The following CFDP1 variants were observed in gnomAD, a reference collection of about 807,000 sequenced individuals.
The protein encoded by CFDP1 is chromatin remodeling protein CFDP1.
CFDP1 carries 31 observed loss-of-function variants against 40.1 expected under a neutral mutation model. That is an observed-to-expected ratio of 0.77 (90% CI 0.58 to 1.04). The LOEUF (loss-of-function observed/expected upper bound fraction) is 1.04. Ranked by LOEUF, CFDP1 falls within the 50% of genes least tolerant of loss-of-function variation. The pLI, the probability that CFDP1 is intolerant of heterozygous loss-of-function variation, is 0.00. For missense variants in CFDP1, 423 were observed against 343.4 expected, an observed-to-expected ratio of 1.23 and a Z score of -1.83; for synonymous variants, 167 against 120.0, an observed-to-expected ratio of 1.39 and a Z score of -2.56.
At chr16:75,322,331 C>T (rs1203475944) in intron 5 of CFDP1, among the ~76,000 whole-genome samples, 1 of 152,192 alleles carries the variant, frequency 6.6e-6, no homozygotes, top group Non-Finnish European at 1.5e-5. Flanking sequence ...AAACCTGTCC[C>T]TCCCACTTAA....
At chr16:75,334,426 C>T (rs1293093878) in intron 5 of CFDP1, among the ~76,000 whole-genome samples, 3 of 150,508 alleles carry the variant, frequency 2.0e-5, no homozygotes, top group African/African-American at 2.4e-5. Context: ...AACATCTGCA[C>T]TTTCCTGGGA....
At chr16:75,393,737 C>CAAAAAAAAAAAA (rs61344775) in intron 5 of CFDP1, among the ~76,000 whole-genome samples, 3 of 80,616 alleles carry the variant, frequency 3.7e-5, no homozygotes, top group African/African-American at 1.7e-4. Flanking sequence ...GACTCCGTCG[C>CAAAAAAAAAAAA]AAAAAAAAAA....
intron 1 of CFDP1, among the ~76,000 whole-genome samples, chr16:75,424,793 T>C (rs2079318054): frequency 6.7e-6 from 1 of 149,846 alleles, no homozygotes; most frequent in African/African-American, 2.5e-5. Context: ...AAGGCAAAGA[T>C]GTCCCCTCTC....
intron 4 of CFDP1, among the ~76,000 whole-genome samples, chr16:75,400,020 G>A (rs973093547): frequency 6.8e-6 from 1 of 146,096 alleles, no homozygotes. Flanking sequence ...AGAATCGCTT[G>A]AACCCAGGAG....
chr16:75,293,878 T>C lies in CFDP1; in HGVS notation c.*74A>G. 1.6e-6 allele frequency: 2 copies of C among 1,269,550 alleles called. No homozygotes were observed. The highest frequency in any genetic ancestry group is 2.3e-6 in the Non-Finnish European group (2 of 877,364). The allele number at this position is 1,269,550 out of a possible 1,614,324, so 78.6% of individuals were successfully genotyped here. ...GGGAAACAGATGATGAGAAACACTGTAAAACATTTCACAGACGCACAAAAA... is the reference window on the plus strand; with the variant it reads ...GGGAAACAGATGATGAGAAACACTGCAAAACATTTCACAGACGCACAAAAA... On this transcript the variant is annotated 3_prime_UTR_variant, in exon 7 of 7. Transcript: ENST00000283882.
chr16:75,430,760 C>T (rs1297660897), intron 1 of CFDP1, among the ~76,000 whole-genome samples: 2 of 152,134 alleles, frequency 1.3e-5, no homozygotes, highest in African/African-American at 4.8e-5. Flanking sequence ...CACTGCTCGG[C>T]TGAGAACACA....
chr16:75,415,330 A>G (rs2079194250), intron 1 of CFDP1, among the ~76,000 whole-genome samples: 1 of 152,194 alleles, frequency 6.6e-6, no homozygotes. Flanking sequence ...CCACACAGAG[A>G]TTCCACTACC....
At chr16:75,429,114 C>T (rs12449170) in intron 1 of CFDP1, among the ~76,000 whole-genome samples, 78,163 of 151,104 alleles carry the variant, frequency 0.52, 21,201 homozygotes, top group Admixed American at 0.64. Flanking sequence ...CAGAGTCTGT[C>T]TCGAAAAAAA....
At position 75,373,652 on chromosome 16, in the gene CFDP1, T is replaced by C. The variant is rs1321123155; in HGVS notation, c.650+21438A>G. On this transcript the variant is annotated intron_variant, in intron 5 of 6. Coordinates refer to ENST00000283882, the MANE Select transcript of CFDP1 (RefSeq NM_006324.3). ...TGCTTCCCTAAAGACTGTATTCTTT[T>C]TATTTTTATTTATTTATTTTGGTAT... Among the ~76,000 whole-genome samples, 3 of 152,164 alleles carry C rather than the reference T, an allele frequency of 2.0e-5. No homozygotes were observed. In the East Asian group the frequency reaches 5.8e-4, roughly 29 times the overall value.
At chr16:75,324,741 T>TCA (rs2078391053) in intron 5 of CFDP1, 1 of 46,626 alleles carries the variant, frequency 2.1e-5, no homozygotes, top group Non-Finnish European at 5.0e-5. Context: ...AGACTTTGTC[T>TCA]TAAAAAAAAA....
Position 75,369,522 on chromosome 16 carries a change from C to A in CFDP1, c.650+25568G>T, listed in dbSNP as rs774484761. Among the ~76,000 whole-genome samples, 144 of 152,290 alleles carry A rather than the reference C, an allele frequency of 9.5e-4. 1 individual carries two copies. Among genetic ancestry groups the A allele is most frequent in the Non-Finnish European group, 1.8e-3 (121 of 68,032 alleles). On this transcript the variant is annotated intron_variant, in intron 5 of 6. Transcript: ENST00000283882. ...AGACACATGGCTTCGCAGTAGGTTG[C>A]CTATTTATTCTCCAATAATCTAAAC...
intron 5 of CFDP1, among the ~76,000 whole-genome samples, chr16:75,334,877 C>A (rs1274984770): frequency 6.6e-6 from 1 of 152,018 alleles, no homozygotes; most frequent in East Asian, 1.9e-4. Context: ...ATCGTTTGAA[C>A]CCCGGAGGTG....
chr16:75,341,370 G>A (rs1363155087), intron 5 of CFDP1, among the ~76,000 whole-genome samples: 2 of 152,102 alleles, frequency 1.3e-5, no homozygotes, highest in Non-Finnish European at 2.9e-5. Flanking sequence ...TAACCCTATG[G>A]CAACCTAACT....
chr16:75,298,659 G>A lies in CFDP1; in HGVS notation c.810-4617C>T, dbSNP rs115814420. Among the ~76,000 whole-genome samples the A allele has an allele frequency of 6.0e-3, 920 of 152,256 alleles. 11 individuals carry two copies. Among genetic ancestry groups the A allele is most frequent in the African/African-American group, 0.02 (828 of 41,550 alleles). Reference sequence around the variant, plus strand: ...ACAGAGATACAGACTTTGCTGCCTCGAGAAATGCAGTTGAAAGAAGCAGTT... The same window carrying A: ...ACAGAGATACAGACTTTGCTGCCTCAAGAAATGCAGTTGAAAGAAGCAGTT... On this transcript the variant is annotated intron_variant, in intron 6 of 6. Transcript: ENST00000283882.
At chr16:75,335,503 C>G (rs1256230771) in intron 5 of CFDP1, among the ~76,000 whole-genome samples, 1 of 151,896 alleles carries the variant, frequency 6.6e-6, no homozygotes, top group Non-Finnish European at 1.5e-5. Flanking sequence ...CAGACTATCT[C>G]CCCTTCAACT....
At chr16:75,405,524 G>T (rs1283285442) in intron 4 of CFDP1, among the ~76,000 whole-genome samples, 1 of 151,942 alleles carries the variant, frequency 6.6e-6, no homozygotes, top group African/African-American at 2.4e-5. Flanking sequence ...GAGGCGGGCA[G>T]ATCATATGAG....
At chr16:75,384,187 T>C (rs2078873773) in intron 5 of CFDP1, among the ~76,000 whole-genome samples, 1 of 151,744 alleles carries the variant, frequency 6.6e-6, no homozygotes. Context: ...CGAAACCCCA[T>C]CTCTACTAAA....
intron 5 of CFDP1, among the ~76,000 whole-genome samples, chr16:75,355,707 ATGAG>A (rs942399424): frequency 3.3e-5 from 5 of 152,132 alleles, no homozygotes; most frequent in Non-Finnish European, 7.4e-5. Flanking sequence ...TCTCATGATA[ATGAG>A]TGAGTCTCCT....
intron 5 of CFDP1, chr16:75,325,196 C>T (rs1047682408): frequency 6.6e-6 from 1 of 152,510 alleles, no homozygotes; most frequent in Non-Finnish European, 1.5e-5. Context: ...CCCTAGTCTG[C>T]TCTGCCTATA....
Sources: gnomAD v4.1 joint callset for allele counts (sites outside exome capture counted in the v4.1 genomes callset) on GRCh38, gnomAD v4.1.1 for gene constraint, MANE v1.5 for transcripts, NCBI Gene and HGNC (gene_info 2026-07-23, HGNC 2026-07-21) for gene names.